Variants in CDH4 observed in about 807,000 individuals in gnomAD.
The protein encoded by CDH4 is cadherin 4, also known as cadherin-4.
CDH4 carries 33 observed loss-of-function variants against 86.0 expected under a neutral mutation model. That is an observed-to-expected ratio of 0.38 (90% CI 0.29 to 0.51). The LOEUF is 0.51. CDH4 is among the 20% of genes least tolerant of loss of function. The pLI, the probability that CDH4 is intolerant of heterozygous loss-of-function variation, is 0.86. For synonymous variants in CDH4, 555 were observed against 549.4 expected (o/e 1.01, Z -0.14); for missense variants, 1,114 against 1,307.4 (o/e 0.85, Z 2.28).
intron 2 of CDH4, among the ~76,000 whole-genome samples, chr20:61,467,040 G>A (rs2085476220): frequency 6.6e-6 from 1 of 152,200 alleles, no homozygotes; most frequent in Non-Finnish European, 1.5e-5. Flanking sequence ...CATTTTATGT[G>A]TGTTCACTGT....
intron 2 of CDH4, among the ~76,000 whole-genome samples, chr20:61,478,010 T>A (rs759610123): frequency 6.6e-6 from 1 of 152,114 alleles, no homozygotes; most frequent in Non-Finnish European, 1.5e-5. Context: ...ATAACTTCGG[T>A]AAGATGGGAG....
chr20:61,920,571 G>A (rs1316691753), intron 9 of CDH4, among the ~76,000 whole-genome samples: 3 of 150,528 alleles, frequency 2.0e-5, no homozygotes, highest in Non-Finnish European at 4.4e-5. Context: ...TGATTGTGTG[G>A]AAATGTGGTG....
At chr20:61,931,302 C>G (rs1333760495) in intron 13 of CDH4, among the ~76,000 whole-genome samples, 1 of 152,248 alleles carries the variant, frequency 6.6e-6, no homozygotes, top group Non-Finnish European at 1.5e-5. Flanking sequence ...TGGCTCCTCC[C>G]TCCGCCTGCA....
In CDH4 at chr20:61,937,070, A is replaced by C; in HGVS notation, c.*127A>C. On this transcript the variant is annotated 3_prime_UTR_variant, in exon 16 of 16. Transcript: ENST00000614565. Reference sequence around the variant, plus strand: ...CCTTAGTGCTGTTAGGAGGCCCCCCAATCCCCACGTTGAGCTGTCTAGCAT... The same window carrying C: ...CCTTAGTGCTGTTAGGAGGCCCCCCCATCCCCACGTTGAGCTGTCTAGCAT... 1 of 716,792 alleles carries C rather than the reference A, an allele frequency of 1.4e-6. No homozygotes were observed. Among genetic ancestry groups the C allele is most frequent in the South Asian group, 2.5e-5 (1 of 39,778 alleles). 44.4% of individuals were successfully genotyped at this position (716,792 alleles called of 1,614,324 possible).
intron 6 of CDH4, among the ~76,000 whole-genome samples, chr20:61,854,642 G>A (rs1982906120): frequency 6.8e-6 from 1 of 146,584 alleles, no homozygotes; most frequent in African/African-American, 2.5e-5. Context: ...TTGCACCTTT[G>A]GTCCACCCCC....
At chr20:61,474,616 A>AT (rs1313091346) in intron 2 of CDH4, among the ~76,000 whole-genome samples, 6 of 152,088 alleles carry the variant, frequency 3.9e-5, no homozygotes, top group African/African-American at 9.7e-5. Context: ...TAAACAGGTG[A>AT]TTTTTTATAA....
At chr20:61,666,631 G>T (rs779756474) in intron 2 of CDH4, among the ~76,000 whole-genome samples, 1 of 152,232 alleles carries the variant, frequency 6.6e-6, no homozygotes, top group Non-Finnish European at 1.5e-5. Context: ...TGCTTCCGGA[G>T]GGCCAGCCCA....
intron 2 of CDH4, among the ~76,000 whole-genome samples, chr20:61,639,309 G>A (rs1445812306): frequency 6.6e-6 from 1 of 152,156 alleles, no homozygotes; most frequent in Non-Finnish European, 1.5e-5. Context: ...CTCTGCATTG[G>A]TCCTCCTTTG....
At chr20:61,787,585 G>A (rs376616715) in intron 4 of CDH4, among the ~76,000 whole-genome samples, 109 of 152,296 alleles carry the variant, frequency 7.2e-4, no homozygotes, top group African/African-American at 2.3e-3. Flanking sequence ...TCAACCCCCA[G>A]GTGTGCTGTT....
chr20:61,565,050 C>CTGGTGGTGCTTTTGGTGGTGGTGG (rs1568687880), intron 2 of CDH4, among the ~76,000 whole-genome samples: 4 of 75,540 alleles, frequency 5.3e-5, no homozygotes, highest in Non-Finnish European at 1.0e-4. Flanking sequence ...TTTGCTGCCA[C>CTGGTGGTGCTTTTGGTGGTGGTGG]TGGTGGTGCT....
intron 2 of CDH4, among the ~76,000 whole-genome samples, chr20:61,556,346 T>A (rs562872723): frequency 3.9e-5 from 6 of 151,960 alleles, no homozygotes; most frequent in African/African-American, 1.4e-4. Context: ...AAGAAAGAAA[T>A]CATGGAGAGA....
chr20:61,283,463 G>A (rs1351045685), intron 2 of CDH4, among the ~76,000 whole-genome samples: 2 of 138,224 alleles, frequency 1.4e-5, no homozygotes, highest in East Asian at 2.2e-4. Context: ...GTGTGCGTTT[G>A]CACGCGTGTG....
intron 4 of CDH4, among the ~76,000 whole-genome samples, chr20:61,798,399 G>A (rs1344015148): frequency 2.6e-5 from 4 of 152,192 alleles, no homozygotes; most frequent in Non-Finnish European, 4.4e-5. Context: ...CAGCCCGTCC[G>A]GACCCTCCGC....
At chr20:61,559,431 C>T (rs1363231022) in intron 2 of CDH4, among the ~76,000 whole-genome samples, 3 of 151,940 alleles carry the variant, frequency 2.0e-5, no homozygotes, top group Non-Finnish European at 4.4e-5. Context: ...AGAGACGGCG[C>T]GCTGTCGGGA....
chr20:61,617,753 T>C (rs1289569628), intron 2 of CDH4, among the ~76,000 whole-genome samples: 5 of 152,124 alleles, frequency 3.3e-5, no homozygotes, highest in Non-Finnish European at 7.4e-5. Context: ...GTGAAACAGG[T>C]GCACTGTCAC....
intron 8 of CDH4, among the ~76,000 whole-genome samples, chr20:61,895,424 C>G (rs1985059676): frequency 6.6e-6 from 1 of 152,232 alleles, no homozygotes; most frequent in South Asian, 2.1e-4. Context: ...GGGTCCATCC[C>G]TGTGTGTGGA....
At chr20:61,599,341 G>A (rs1600795088) in intron 2 of CDH4, among the ~76,000 whole-genome samples, 1 of 152,212 alleles carries the variant, frequency 6.6e-6, no homozygotes. Flanking sequence ...ACAAGAGGGG[G>A]CACGCTGGAT....
chr20:61,344,119 C>T (rs1183024257), intron 2 of CDH4, among the ~76,000 whole-genome samples: 1 of 151,976 alleles, frequency 6.6e-6, no homozygotes, highest in African/African-American at 2.4e-5. Flanking sequence ...ACTGTGGGGC[C>T]GAGGGAAGCA....
chr20:61,846,656 C>T (rs1042966156), intron 5 of CDH4, among the ~76,000 whole-genome samples: 3 of 152,180 alleles, frequency 2.0e-5, no homozygotes, highest in Non-Finnish European at 2.9e-5. Flanking sequence ...CCGTGAGAAA[C>T]AGATTCAGAG....
Sources: gnomAD v4.1 joint callset for allele counts (sites outside exome capture counted in the v4.1 genomes callset) on GRCh38, gnomAD v4.1.1 for gene constraint, MANE v1.5 for transcripts, NCBI Gene and HGNC (gene_info 2026-07-23, HGNC 2026-07-21) for gene names.